Variants in RFTN2 observed in about 807,000 individuals in gnomAD.
RFTN2 encodes the protein raftlin-2.
Under a neutral mutation model 52.7 loss-of-function variants are expected in RFTN2, and 34 were observed. That is an observed-to-expected ratio of 0.64 (90% CI 0.49 to 0.86). RFTN2 has a LOEUF of 0.86. Among genes scored for constraint, RFTN2 ranks in the 40% least tolerant of loss-of-function variants. The pLI, the probability that RFTN2 is intolerant of heterozygous loss-of-function variation, is 0.00. For synonymous variants in RFTN2, 203 were observed against 217.7 expected, an observed-to-expected ratio of 0.93 and a Z score of 0.59; for missense variants, 536 against 600.1, an observed-to-expected ratio of 0.89 and a Z score of 1.12.
chr2:197,580,338 C>T (rs750085314), intron 8 of RFTN2, among the ~76,000 whole-genome samples: 16 of 152,234 alleles, frequency 1.1e-4, no homozygotes, highest in Non-Finnish European at 2.1e-4. Context: ...AACTCCTAAG[C>T]CACAGTGGTC....
At chr2:197,640,555 C>G (rs960557039) in intron 3 of RFTN2, among the ~76,000 whole-genome samples, 1 of 147,760 alleles carries the variant, frequency 6.8e-6, no homozygotes, top group Admixed American at 6.8e-5. Flanking sequence ...TGACCCCTTG[C>G]GCTTCCCAAG....
At chr2:197,584,508 T>G (rs1434724017) in intron 8 of RFTN2, among the ~76,000 whole-genome samples, 1 of 152,240 alleles carries the variant, frequency 6.6e-6, no homozygotes, top group East Asian at 1.9e-4. Context: ...TTCTAGATAT[T>G]AGCCCTTTGT....
At chr2:197,588,183 T>G (rs2087631900) in intron 8 of RFTN2, among the ~76,000 whole-genome samples, 1 of 152,186 alleles carries the variant, frequency 6.6e-6, no homozygotes. Flanking sequence ...AATACAACTG[T>G]TAAAACCTCG....
chr2:197,675,503 G>A lies in RFTN2; in HGVS notation c.-45C>T. 1 of 1,280,082 alleles carries A rather than the reference G, an allele frequency of 7.8e-7. No individual in the cohort carries two copies. The highest frequency in any genetic ancestry group is 1.8e-5 in the South Asian group (1 of 56,174). The allele number at this position is 1,280,082 out of a possible 1,614,324, so 79.3% of individuals were successfully genotyped here. On this transcript the variant is annotated 5_prime_UTR_variant, in exon 1 of 9. Transcript: ENST00000295049. ...TAAATTGCAGGAAAGGGGAGGGAGA[G>A]CAGCAAATTCTGTTGTTTAAGCTGC...
chr2:197,575,475 A>G lies in RFTN2; in HGVS notation c.1234-3195T>C, dbSNP rs539566984. On this transcript the variant is annotated intron_variant, in intron 8 of 8. Transcript: ENST00000295049. ...CACAGTATAAATGCTCAACAATTCA[A>G]TCCAGCTCATTCAGACTCTCTGATC... is the stretch of plus-strand genomic sequence containing the variant. 3.9e-5 allele frequency among the ~76,000 whole-genome samples: 6 copies of G among 152,284 alleles called. No individual in the cohort carries two copies. In the East Asian group the frequency reaches 1.2e-3, roughly 29 times the overall value.
chr2:197,674,642 G>T (rs1395998762), intron 1 of RFTN2, among the ~76,000 whole-genome samples: 1 of 152,116 alleles, frequency 6.6e-6, no homozygotes, highest in Admixed American at 6.6e-5. Context: ...AAGAAATGAG[G>T]CAAAGTATTT....
chr2:197,673,754 A>C (rs1012656189), intron 1 of RFTN2, among the ~76,000 whole-genome samples: 4 of 152,228 alleles, frequency 2.6e-5, no homozygotes, highest in Non-Finnish European at 5.9e-5. Flanking sequence ...CATTTATACA[A>C]ATTTGTTTGA....
chr2:197,572,418 A>C (rs2087334401), intron 8 of RFTN2, 138 bp from the exon 9 acceptor site: 1 of 770,656 alleles, frequency 1.3e-6, no homozygotes, highest in South Asian at 1.7e-5. Flanking sequence ...ATCTTCAACG[A>C]CCAGCTCAGA....
At chr2:197,652,883 A>G (rs1047191448) in intron 1 of RFTN2, among the ~76,000 whole-genome samples, 18 of 152,138 alleles carry the variant, frequency 1.2e-4, no homozygotes, top group Non-Finnish European at 2.5e-4. Context: ...GGCAGGGGAA[A>G]TCCTGTGGTC....
chr2:197,619,357 AAG>A (rs2088216576), intron 5 of RFTN2, among the ~76,000 whole-genome samples: 3 of 152,034 alleles, frequency 2.0e-5, no homozygotes, highest in African/African-American at 7.2e-5. Context: ...TCTGTGTAGA[AAG>A]AGGTAGACAT....
chr2:197,591,250 C>A (rs1278442241), intron 8 of RFTN2, among the ~76,000 whole-genome samples: 2 of 152,110 alleles, frequency 1.3e-5, no homozygotes, highest in Non-Finnish European at 2.9e-5. Context: ...ATATAGAGTG[C>A]CGATTGGTGT....
chr2:197,578,613 T>C (rs889911399), intron 8 of RFTN2, among the ~76,000 whole-genome samples: 4 of 152,168 alleles, frequency 2.6e-5, no homozygotes, highest in Non-Finnish European at 5.9e-5. Flanking sequence ...CCCCTTTGAC[T>C]GTAATTTTCC....
At chr2:197,647,515 G>A (rs2088770696) in intron 1 of RFTN2, among the ~76,000 whole-genome samples, 1 of 152,110 alleles carries the variant, frequency 6.6e-6, no homozygotes, top group Non-Finnish European at 1.5e-5. Context: ...CAGCCGAGAT[G>A]CATAATTTCT....
Position 197,633,699 on chromosome 2 carries a change from T to A in RFTN2, c.718+19A>T. 1 of 1,604,958 alleles carries A rather than the reference T, an allele frequency of 6.2e-7. No individual in the cohort carries two copies. The highest frequency in any genetic ancestry group is 1.1e-5 in the South Asian group (1 of 90,292). ...CTTAAACTATAGTATATTCTCTTTCTACTAATCTTGTCTATTACCTTCTCC... is the reference window on the plus strand; with the variant it reads ...CTTAAACTATAGTATATTCTCTTTCAACTAATCTTGTCTATTACCTTCTCC... On this transcript the variant is annotated intron_variant, in intron 4 of 8. Coordinates refer to ENST00000295049, the MANE Select transcript of RFTN2 (RefSeq NM_144629.3).
chr2:197,675,501 G>C lies in RFTN2; in HGVS notation c.-43C>G. ...ATTAAATTGCAGGAAAGGGGAGGGA[G>C]AGCAGCAAATTCTGTTGTTTAAGCT... On this transcript the variant is annotated 5_prime_UTR_variant, in exon 1 of 9. Coordinates refer to ENST00000295049, the MANE Select transcript of RFTN2 (RefSeq NM_144629.3). 7.6e-7 allele frequency: 1 copy of C among 1,308,492 alleles called. No homozygotes were observed. Among genetic ancestry groups the C allele is most frequent in the Non-Finnish European group, 9.9e-7 (1 of 1,005,922 alleles). The allele number at this position is 1,308,492 out of a possible 1,614,324, so 81.1% of individuals were successfully genotyped here. A position where few individuals can be genotyped will look rare whatever the true frequency, so the allele number is the denominator to read the frequency against.
In RFTN2 at chr2:197,646,483, C is replaced by G; in HGVS notation, c.323G>C (p.Ser108Thr). The G allele has an allele frequency of 1.2e-6, 2 of 1,612,254 alleles. No individual in the cohort carries two copies. The highest frequency in any genetic ancestry group is 1.7e-6 in the Non-Finnish European group (2 of 1,179,142). ...CCTCTTTCTTGAATAGTGTGCTTACCTTAATTTCAAGCGCAATAGCACCAC... is the reference window on the plus strand; with the variant it reads ...CCTCTTTCTTGAATAGTGTGCTTACGTTAATTTCAAGCGCAATAGCACCAC... Reference protein sequence around the residue: ...YRVVLLRLKLSPKNSAAPSGQ... With the variant: ...YRVVLLRLKLTPKNSAAPSGQ... Residue 108 changes from serine (S) to threonine (T), a missense_variant and splice_region_variant, in exon 2 of 9, where the codon AGC becomes ACC. Ser to Thr is a moderately conservative substitution (Grantham distance 58). Transcript: ENST00000295049.
rs751974756 is a variant in RFTN2 at position 197,646,525 on chromosome 2, G to A, written c.281C>T (p.Ala94Val). The change falls in exon 2 of 9, where the codon GCA (alanine) becomes GTA (valine). Residue 94 changes from alanine to valine, a missense_variant. Ala to Val is a moderately conservative substitution (Grantham distance 64, BLOSUM62 0). Transcript: ENST00000295049. ...QPVGQRKHLPASYLYRVVLLR... is the reference protein window; with the variant it reads ...QPVGQRKHLPVSYLYRVVLLR... ...TAGCACCACTCTGTATAGGTAACTT[G>A]CAGGTAGGTGTTTTCGCTGCCCCAC... 4.3e-6 allele frequency: 7 copies of A among 1,614,012 alleles called. No homozygotes were observed. The highest frequency in any genetic ancestry group is 5.9e-6 in the Non-Finnish European group (7 of 1,179,968).
chr2:197,602,543 CT>C (rs546686019), intron 7 of RFTN2, among the ~76,000 whole-genome samples: 83 of 143,636 alleles, frequency 5.8e-4, no homozygotes, highest in Non-Finnish European at 5.5e-4. Flanking sequence ...AAGCCAAGAT[CT>C]TTTTTTTTTT....
At chr2:197,631,411 C>G (rs1440030410) in intron 4 of RFTN2, among the ~76,000 whole-genome samples, 191 bp from the exon 5 acceptor site, 1 of 152,136 alleles carries the variant, frequency 6.6e-6, no homozygotes, top group Non-Finnish European at 1.5e-5. Context: ...GTTGAGGCTA[C>G]TATGTGGTAT....
Sources: gnomAD v4.1 joint callset for allele counts (sites outside exome capture counted in the v4.1 genomes callset) on GRCh38, gnomAD v4.1.1 for gene constraint, MANE v1.5 for transcripts, NCBI Gene and HGNC (gene_info 2026-07-23, HGNC 2026-07-21) for gene names.